PSMB5: variants seen among roughly 807,000 people sequenced by gnomAD.
PSMB5 encodes proteasome 20S subunit beta 5.
Under a neutral mutation model 22.8 loss-of-function variants are expected in PSMB5, and 2 were observed. The ratio of observed to expected loss-of-function variants is 0.09; its 90% CI spans 0.04 to 0.28. The LOEUF (loss-of-function observed/expected upper bound fraction) is 0.28. PSMB5 is among the 10% of genes least tolerant of loss of function. The probability of loss-of-function intolerance (pLI) is 1.00; values close to 1 mark genes in which losing one functional copy is unlikely to be tolerated. For synonymous variants in PSMB5, 133 were observed against 135.3 expected, an observed-to-expected ratio of 0.98 and a Z score of 0.12; for missense variants, 269 against 343.8, an observed-to-expected ratio of 0.78 and a Z score of 1.72.
chr14:23,028,895 C>G (rs943677078), intron 2 of PSMB5, among the ~76,000 whole-genome samples: 32 of 152,180 alleles, frequency 2.1e-4, no homozygotes, highest in Admixed American at 1.6e-3. Flanking sequence ...AACTTAGATA[C>G]CAGTGGTTCT....
chr14:23,027,782 A>G, intron 2 of PSMB5: 1 of 1,549,038 alleles, frequency 6.5e-7, no homozygotes. Flanking sequence ...CACCCACAAA[A>G]CAAGTACATT....
At chr14:23,032,659 C>T (rs2139920778) in intron 2 of PSMB5, among the ~76,000 whole-genome samples, 1 of 151,568 alleles carries the variant, frequency 6.6e-6, no homozygotes, top group East Asian at 2.0e-4. Flanking sequence ...AGTGCAGTGG[C>T]ACCATCTCGA....
rs1263488707 is a variant in PSMB5 at position 23,025,864 on chromosome 14, T to C, written c.*225A>G. ...TGCAACACAGGCTGAGATTGAGTAG[T>C]GAGTAGTGTAATGTTAACATCCAAG... is the stretch of plus-strand genomic sequence containing the variant. On this transcript the variant is annotated 3_prime_UTR_variant, in exon 3 of 3. Transcript: ENST00000361611. 7.2e-7 allele frequency: 1 copy of C among 1,395,444 alleles called. No homozygotes were observed. Among genetic ancestry groups the C allele is most frequent in the African/African-American group, 1.5e-5 (1 of 68,948 alleles). The allele number at this position is 1,395,444 out of a possible 1,614,324, so 86.4% of individuals were successfully genotyped here. A position where few individuals can be genotyped will look rare whatever the true frequency, so the allele number is the denominator to read the frequency against.
At position 23,026,169 on chromosome 14, in the gene PSMB5, C is replaced by A; in HGVS notation, c.712G>T (p.Val238Leu). The A allele has an allele frequency of 6.2e-7, 1 of 1,614,174 alleles. No homozygotes were observed. The highest frequency in any genetic ancestry group is 8.5e-7 in the Non-Finnish European group (1 of 1,180,038). ...YSGGAVNLYH[V>L]REDGWIRVSS... ...ACTCGGATCCAGCCATCCTCCCGCA[C>A]GTGGTAGAGGTTGACTGCACCTCCT... Residue 238 changes from valine to leucine, a missense_variant, in exon 3 of 3, where the codon GTG (valine) becomes TTG (leucine). Val to Leu is a conservative substitution (Grantham distance 32). This residue lies in a region of PSMB5 where 113 missense variants were observed against 130.2 expected (regional missense o/e 0.87). Transcript: ENST00000361611.
chr14:23,029,068 A>G (rs2046935271), intron 2 of PSMB5, among the ~76,000 whole-genome samples: 1 of 152,210 alleles, frequency 6.6e-6, no homozygotes, highest in South Asian at 2.1e-4. Context: ...TCAAAAATGC[A>G]CAGGACTTAC....
intron 1 of PSMB5, among the ~76,000 whole-genome samples, chr14:23,034,198 T>C (rs1382437516): frequency 6.6e-6 from 1 of 151,740 alleles, no homozygotes; most frequent in Non-Finnish European, 1.5e-5. Context: ...TTTCTCAATC[T>C]AGAGCTAGTT....
chr14:23,027,111 G>A (rs1444557957), intron 2 of PSMB5, among the ~76,000 whole-genome samples: 2 of 150,482 alleles, frequency 1.3e-5, no homozygotes, highest in Non-Finnish European at 3.0e-5. Flanking sequence ...GGCCAGGCGC[G>A]GTGGCTAACG....
rs753345514 is a variant in PSMB5, at chr14:23,033,710, A to T, written c.199-36T>A. On this transcript the variant is annotated intron_variant, in intron 1 of 2. Transcript: ENST00000361611. ...CAGAGGAAAACACAAAACAGGCCAC[A>T]TAAGACCACAAAAACACTCCTACAT... 1.9e-6 allele frequency: 3 copies of T among 1,571,368 alleles called. No individual in the cohort carries two copies. In the East Asian group the frequency reaches 6.8e-5, roughly 36 times the overall value.
At chr14:23,034,663 G>T (rs375016464) in intron 1 of PSMB5, 21 bp downstream of exon 1, 1 of 1,612,710 alleles carries the variant, frequency 6.2e-7, no homozygotes, top group East Asian at 2.2e-5. Flanking sequence ...ACTCAGCCTG[G>T]CAAGGGGGCT....
At position 23,026,326 on chromosome 14, in the gene PSMB5, G is replaced by A. The variant is rs779779692; in HGVS notation, c.555C>T (p.Phe185=). ...SEGNRISGAT[F]SVGSGSVYAY... ...CATACACAGAGCCAGAACCTACAGA[G>A]AAGGTGGCCCCTGAAATCCGGTTCC... Residue 185 remains phenylalanine (F), a synonymous_variant, in exon 3 of 3, where the codon TTC becomes TTT. Transcript: ENST00000361611. The A allele has an allele frequency of 3.0e-5, 48 of 1,613,990 alleles. No homozygotes were observed. The highest frequency in any genetic ancestry group is 3.3e-5 in the Non-Finnish European group (39 of 1,180,024).
chr14:23,034,033 TGGTG>T (rs977486639), intron 1 of PSMB5, among the ~76,000 whole-genome samples: 11 of 150,110 alleles, frequency 7.3e-5, no homozygotes, highest in African/African-American at 2.7e-4. Flanking sequence ...TAGCCTGTCG[TGGTG>T]GTGTGTGCCT....
intron 2 of PSMB5, among the ~76,000 whole-genome samples, chr14:23,030,738 C>A (rs1331084624): frequency 1.3e-5 from 2 of 151,938 alleles, no homozygotes; most frequent in African/African-American, 4.8e-5. Context: ...ACCAGCCTGG[C>A]CAACATGGTG....
intron 2 of PSMB5, among the ~76,000 whole-genome samples, chr14:23,026,701 C>T (rs761499052): frequency 2.6e-5 from 4 of 151,314 alleles, no homozygotes; most frequent in African/African-American, 9.7e-5. Context: ...CTGCCCTTCT[C>T]GGACTCCCAA....
chr14:23,034,981 C>A, upstream of PSMB5: 1 of 1,457,648 alleles, frequency 6.9e-7, no homozygotes, highest in South Asian at 1.4e-5. Flanking sequence ...AAATCTATTC[C>A]GGAATGGAGC....
chr14:23,026,941 G>T (rs552380084), intron 2 of PSMB5, among the ~76,000 whole-genome samples: 1 of 151,346 alleles, frequency 6.6e-6, no homozygotes, highest in East Asian at 2.0e-4. Context: ...AATTTGCCAG[G>T]CGTGGTGGCA....
At position 23,026,457 on chromosome 14, in the gene PSMB5, C is replaced by T. The variant is rs1247593297; in HGVS notation, c.506-82G>A. Reference sequence around the variant, plus strand: ...TAATTCATATGCCAAGGCAGTAGTTCTTTTTTTTTGAGATGGAGTTTTGCT... The same window carrying T: ...TAATTCATATGCCAAGGCAGTAGTTTTTTTTTTTTGAGATGGAGTTTTGCT... On this transcript the variant is annotated intron_variant, in intron 2 of 2. Transcript: ENST00000361611. 3 of 1,503,490 alleles carry T rather than the reference C, an allele frequency of 2.0e-6. No homozygotes were observed. In the Admixed American group the frequency reaches 6.7e-5, roughly 33 times the overall value. The allele number at this position is 1,503,490 out of a possible 1,614,324, so 93.1% of individuals were successfully genotyped here. A position where few individuals can be genotyped will look rare whatever the true frequency, so the allele number is the denominator to read the frequency against.
rs538927354 is a variant in PSMB5 at position 23,033,325 on chromosome 14, T to C, written c.505+43A>G. 34 of 1,580,526 alleles carry C rather than the reference T, an allele frequency of 2.2e-5. No individual in the cohort carries two copies. In the East Asian group the frequency reaches 7.5e-4, roughly 35 times the overall value. On this transcript the variant is annotated intron_variant, in intron 2 of 2. Coordinates refer to ENST00000361611, the MANE Select transcript of PSMB5 (RefSeq NM_002797.5). ...ATCTGTCCATCCAACCCCTCCTCAC[T>C]GTAGTGTCAGCCCAAGGATCATGTG...
chr14:23,026,270 T>C lies in PSMB5; in HGVS notation c.611A>G (p.Tyr204Cys), dbSNP rs1220255471. 4 of 1,613,896 alleles carry C rather than the reference T, an allele frequency of 2.5e-6. No individual in the cohort carries two copies. The highest frequency in any genetic ancestry group is 1.1e-5 in the South Asian group (1 of 91,080). The change falls in exon 3 of 3, where the codon TAT becomes TGT. Residue 204 changes from tyrosine (Y) to cysteine (C), a missense_variant. Transcript: ENST00000361611. ...AYGVMDRGYS[Y>C]DLEVEQAYDL... ...ATAGGCCTGCTCCACTTCCAGGTCA[T>C]AGGAATAGCCCCGATCCATGACCCC...
intron 2 of PSMB5, among the ~76,000 whole-genome samples, chr14:23,026,583 A>T (rs2046915538): frequency 6.6e-6 from 1 of 151,602 alleles, no homozygotes; most frequent in South Asian, 2.1e-4. Flanking sequence ...CCAGGTAGCT[A>T]GGATTACAAG....
Sources: allele counts gnomAD v4.1 joint callset (sites outside exome capture counted in the v4.1 genomes callset), GRCh38; gene constraint gnomAD v4.1.1; regional missense constraint gnomAD v4.1.1; transcripts MANE v1.5; gene names NCBI Gene and HGNC (gene_info 2026-07-23, HGNC 2026-07-21).